LPAR3: variants seen among roughly 807,000 people sequenced by gnomAD.
The protein encoded by LPAR3 is lysophosphatidic acid receptor 3, also known as LPA receptor 3.
In LPAR3, 7 loss-of-function variants were observed where a neutral mutation model predicts 17.8. That is an observed-to-expected ratio of 0.39 (90% confidence interval 0.22 to 0.74). The LOEUF (loss-of-function observed/expected upper bound fraction) is 0.74. LPAR3 is among the 30% of genes least tolerant of loss of function. The pLI, the probability that LPAR3 is intolerant of heterozygous loss-of-function variation, is 0.40. For missense variants in LPAR3, 391 were observed against 453.4 expected (o/e 0.86, Z 1.25); for synonymous variants, 179 against 179.9 (o/e 0.99, Z 0.04).
chr1:84,877,659 CAT>C (rs1660283853), intron 1 of LPAR3, among the ~76,000 whole-genome samples: 2 of 152,192 alleles, frequency 1.3e-5, no homozygotes. Context: ...AATTTTTATA[CAT>C]GTTACATTGA....
intron 2 of LPAR3, among the ~76,000 whole-genome samples, chr1:84,856,596 A>G (rs905478824): frequency 2.0e-5 from 3 of 152,004 alleles, no homozygotes; most frequent in Non-Finnish European, 4.4e-5. Context: ...CAGTTCATCG[A>G]TGAAGCTTAT....
intron 2 of LPAR3, among the ~76,000 whole-genome samples, chr1:84,851,308 C>T (rs1659705971): frequency 6.6e-6 from 1 of 152,176 alleles, no homozygotes; most frequent in African/African-American, 2.4e-5. Context: ...CTTCCCAGTC[C>T]CTCTTACCTT....
chr1:84,870,668 C>T (rs1028167296), intron 1 of LPAR3, among the ~76,000 whole-genome samples: 9 of 152,128 alleles, frequency 5.9e-5, no homozygotes, highest in Non-Finnish European at 1.3e-4. Flanking sequence ...CTCATGGTAT[C>T]CTCCCAACAA....
intron 2 of LPAR3, among the ~76,000 whole-genome samples, chr1:84,829,746 T>C (rs895429999): frequency 6.6e-6 from 1 of 152,108 alleles, no homozygotes; most frequent in African/African-American, 2.4e-5. Context: ...TTTTCTTAAT[T>C]TGCACTGAGC....
At chr1:84,820,345 C>A (rs1355708118) in intron 2 of LPAR3, among the ~76,000 whole-genome samples, 2 of 152,132 alleles carry the variant, frequency 1.3e-5, no homozygotes, top group Non-Finnish European at 2.9e-5. Flanking sequence ...AGGAGATGAG[C>A]CAGGTGAATG....
chr1:84,861,777 G>C (rs780515625), intron 2 of LPAR3, among the ~76,000 whole-genome samples: 1 of 152,120 alleles, frequency 6.6e-6, no homozygotes, highest in Non-Finnish European at 1.5e-5. Flanking sequence ...ACACCAAACT[G>C]TCTTTCTTCC....
chr1:84,816,923 A>T (rs1658943162), intron 2 of LPAR3, among the ~76,000 whole-genome samples: 1 of 152,176 alleles, frequency 6.6e-6, no homozygotes, highest in South Asian at 2.1e-4. Context: ...GCCCAGGAAA[A>T]GTCTGTGCTT....
intron 2 of LPAR3, among the ~76,000 whole-genome samples, chr1:84,831,904 TACAC>T (rs1162512455): frequency 1.3e-5 from 2 of 151,074 alleles, no homozygotes; most frequent in African/African-American, 4.9e-5. Context: ...CATATGCACA[TACAC>T]ACACATACTT....
chr1:84,842,373 A>C (rs1659519360), intron 2 of LPAR3, among the ~76,000 whole-genome samples: 1 of 152,252 alleles, frequency 6.6e-6, no homozygotes, highest in Non-Finnish European at 1.5e-5. Flanking sequence ...AAATTCAGTC[A>C]CTGGTCAAAA....
chr1:84,877,342 G>A (rs1478397114), intron 1 of LPAR3, among the ~76,000 whole-genome samples: 1 of 152,156 alleles, frequency 6.6e-6, no homozygotes, highest in African/African-American at 2.4e-5. Context: ...GGGGATGCTG[G>A]GTAAGTGTTG....
chr1:84,870,260 C>T (rs1416134212), intron 1 of LPAR3, among the ~76,000 whole-genome samples: 1 of 152,190 alleles, frequency 6.6e-6, no homozygotes, highest in Non-Finnish European at 1.5e-5. Context: ...CTTGGTTTAC[C>T]TCCATCAGAG....
intron 2 of LPAR3, among the ~76,000 whole-genome samples, chr1:84,822,297 TTAAA>T (rs1393512912): frequency 3.9e-5 from 6 of 152,172 alleles, no homozygotes; most frequent in Non-Finnish European, 8.8e-5. Context: ...CCTCTAGTAA[TTAAA>T]TAAACTAGTT....
Position 84,866,080 on chromosome 1 carries a change from T to TA in LPAR3, c.40dup (p.Tyr14LeufsTer2), listed in dbSNP as rs767032705. 9 of 1,600,872 alleles carry TA rather than the reference T, an allele frequency of 5.6e-6. No homozygotes were observed. Among genetic ancestry groups the TA allele is most frequent in the East Asian group, 4.5e-5 (2 of 44,788 alleles). On this transcript the variant is annotated frameshift_variant, in exon 2 of 3. Transcript: ENST00000370611. LOFTEE classifies it high-confidence loss of function. ...GACAGTATCAGTGTTGCTCCTATTA[T>TA]AAAAAAAGTCCATGTGCTTGTCATA...
At chr1:84,838,531 A>C (rs1393460771) in intron 2 of LPAR3, among the ~76,000 whole-genome samples, 2 of 152,146 alleles carry the variant, frequency 1.3e-5, no homozygotes, top group Non-Finnish European at 2.9e-5. Flanking sequence ...CTGCCTCCTC[A>C]GTTATCTCCC....
At position 84,831,876 on chromosome 1, in the gene LPAR3, C is replaced by CAT. The variant is rs539004394; in HGVS notation, c.737-17707_737-17706dup. Among the ~76,000 whole-genome samples, 1,075 of 148,860 alleles carry CAT rather than the reference C, an allele frequency of 7.2e-3. 13 individuals carry two copies. The highest frequency in any genetic ancestry group is 0.023 in the African/African-American group (934 of 40,750). ...ACATATATCATACATATATGATATACATATATATATATACACACATATGCA... is the reference window on the plus strand; with the variant it reads ...ACATATATCATACATATATGATATACATATATATATATATACACACATATGCA... On this transcript the variant is annotated intron_variant, in intron 2 of 2. Coordinates refer to ENST00000370611, the MANE Select transcript of LPAR3 (RefSeq NM_012152.3).
At chr1:84,850,419 A>G (rs937943365) in intron 2 of LPAR3, among the ~76,000 whole-genome samples, 16 of 149,510 alleles carry the variant, frequency 1.1e-4, no homozygotes, top group African/African-American at 3.7e-4. Flanking sequence ...AAAAAAAAAG[A>G]AAAAGAAAAA....
intron 2 of LPAR3, among the ~76,000 whole-genome samples, chr1:84,823,255 A>G (rs1659091433): frequency 6.6e-6 from 1 of 152,222 alleles, no homozygotes; most frequent in African/African-American, 2.4e-5. Flanking sequence ...TACGACATTA[A>G]AGAATTTGTT....
intron 2 of LPAR3, among the ~76,000 whole-genome samples, chr1:84,852,051 AT>A (rs11289460): frequency 0.58 from 76,841 of 132,528 alleles, 21,247 homozygotes; most frequent in Middle Eastern, 0.66. Context: ...TTGGTGACTA[AT>A]TTTTTTTTTT....
chr1:84,884,810 T>C (rs145008633), intron 1 of LPAR3, among the ~76,000 whole-genome samples: 94 of 152,312 alleles, frequency 6.2e-4, no homozygotes, highest in African/African-American at 2.1e-3. Flanking sequence ...TTGCTGACAT[T>C]CCTCTTCACT....
Sources: allele counts gnomAD v4.1 joint callset (sites outside exome capture counted in the v4.1 genomes callset), GRCh38; gene constraint gnomAD v4.1.1; transcripts MANE v1.5; gene names NCBI Gene and HGNC (gene_info 2026-07-23, HGNC 2026-07-21).